The following COL13A1 variants were observed in gnomAD, a reference collection of about 807,000 sequenced individuals.
COL13A1 encodes collagen type XIII alpha 1 chain.
A neutral mutation model predicts 130.9 loss-of-function variants in COL13A1; 89 were observed. The observed-to-expected ratio is 0.68, with a 90% confidence interval of 0.57 to 0.81. COL13A1 has a LOEUF of 0.81. Among genes scored for constraint, COL13A1 ranks in the 30% least tolerant of loss-of-function variants. The pLI, the probability that COL13A1 is intolerant of heterozygous loss-of-function variation, is 0.00. For missense variants in COL13A1, 879 were observed against 934.6 expected, an observed-to-expected ratio of 0.94 and a Z score of 0.78; for synonymous variants, 402 against 341.6, an observed-to-expected ratio of 1.18 and a Z score of -1.95.
chr10:69,947,241 G>A, intron 37 of COL13A1, 66 bp from the exon 38 acceptor site: 1 of 1,452,126 alleles, frequency 6.9e-7, no homozygotes, highest in Non-Finnish European at 9.7e-7. Context: ...GAGCCTGGAA[G>A]AAAGCACTGT....
intron 2 of COL13A1, among the ~76,000 whole-genome samples, chr10:69,849,976 C>T (rs935519045): frequency 6.6e-6 from 1 of 152,102 alleles, no homozygotes; most frequent in African/African-American, 2.4e-5. Context: ...CCACTGTTCC[C>T]ATTAGGAGCT....
chr10:69,909,305 C>T (rs1023668624), intron 17 of COL13A1, among the ~76,000 whole-genome samples: 6 of 152,222 alleles, frequency 3.9e-5, no homozygotes, highest in African/African-American at 1.4e-4. Flanking sequence ...CCTTCTGTCT[C>T]TGCCAGACCA....
chr10:69,822,343 C>T (rs775049105), intron 1 of COL13A1, 26 bp from the exon 2 acceptor site: 21 of 1,553,578 alleles, frequency 1.4e-5, no homozygotes, highest in African/African-American at 1.4e-5. Context: ...CTCCTGGTGA[C>T]TCCTCTTGTC....
At chr10:69,805,714 G>C (rs1265314200) in intron 1 of COL13A1, among the ~76,000 whole-genome samples, 1 of 152,130 alleles carries the variant, frequency 6.6e-6, no homozygotes, top group Non-Finnish European at 1.5e-5. Context: ...AGCAACTTGA[G>C]GGGACCATCC....
Position 69,872,201 on chromosome 10 carries a change from C to G in COL13A1, c.390C>G (p.Pro130=). 1 of 1,614,046 alleles carries G rather than the reference C, an allele frequency of 6.2e-7. No individual in the cohort carries two copies. The highest frequency in any genetic ancestry group is 8.5e-7 in the Non-Finnish European group (1 of 1,179,898). The change falls in exon 4 of 41, where the codon CCC becomes CCG. Residue 130 remains proline (P), a synonymous_variant. Coordinates refer to ENST00000645393, the MANE Select transcript of COL13A1 (RefSeq NM_001368882.1). ...PPGPPGPTGR[P]GLPGDKGAIG... is the part of the protein sequence containing the mutation. ...CATTTCAGGGTCCCACTGGAAGACC[C>G]GGACTCCCAGTAAGTCACTTTTGTT...
intron 27 of COL13A1, 39 bp downstream of exon 27, chr10:69,927,149 C>CGGG: frequency 6.2e-7 from 1 of 1,612,698 alleles, no homozygotes; most frequent in South Asian, 1.1e-5. Flanking sequence ...GGGCACTGGA[C>CGGG]GGGGGGGCTG....
chr10:69,943,008 G>A (rs61297864), intron 35 of COL13A1, among the ~76,000 whole-genome samples: 299 of 152,246 alleles, frequency 2.0e-3, no homozygotes, highest in African/African-American at 5.9e-3. Context: ...CCACCATGCC[G>A]GACTAAATGT....
chr10:69,820,066 A>C (rs886356346), intron 1 of COL13A1, among the ~76,000 whole-genome samples: 4 of 151,318 alleles, frequency 2.6e-5, no homozygotes, highest in African/African-American at 9.7e-5. Flanking sequence ...GTTTTTGCTC[A>C]AAGTCCCCTC....
In COL13A1 at chr10:69,902,893, C is replaced by T. The variant is rs577988769; in HGVS notation, c.858+38C>T. The T allele has an allele frequency of 1.6e-4, 225 of 1,443,216 alleles. 4 individuals carry two copies. The South Asian group carries it at 2.8e-3, about 18-fold the overall frequency. The allele number at this position is 1,443,216 out of a possible 1,614,324, so 89.4% of individuals were successfully genotyped here. A position where few individuals can be genotyped will look rare whatever the true frequency, so the allele number is the denominator to read the frequency against. ...TTCCTCTCTCCTTCAAGACTTATCC[C>T]AAGAACTCTCTGGAAACCTCCAAAC... is the stretch of plus-strand genomic sequence containing the variant. On this transcript the variant is annotated intron_variant, in intron 15 of 40. Coordinates refer to ENST00000645393, the MANE Select transcript of COL13A1 (RefSeq NM_001368882.1).
At chr10:69,844,698 G>A (rs916620038) in intron 2 of COL13A1, among the ~76,000 whole-genome samples, 1 of 152,236 alleles carries the variant, frequency 6.6e-6, no homozygotes. Flanking sequence ...GTTGGCTGAA[G>A]TGTTTGAGTA....
chr10:69,895,183 G>A (rs2061519394), intron 12 of COL13A1, among the ~76,000 whole-genome samples: 2 of 152,224 alleles, frequency 1.3e-5, no homozygotes, highest in South Asian at 4.1e-4. Context: ...CCATGGTGCC[G>A]GCTGCTCCCA....
Position 69,802,342 on chromosome 10 carries a change from A to C in COL13A1, c.-82A>C. 1 of 1,342,988 alleles carries C rather than the reference A, an allele frequency of 7.4e-7. No homozygotes were observed. The highest frequency in any genetic ancestry group is 9.6e-7 in the Non-Finnish European group (1 of 1,040,970). The allele number at this position is 1,342,988 out of a possible 1,614,324, so 83.2% of individuals were successfully genotyped here. On this transcript the variant is annotated 5_prime_UTR_variant, in exon 1 of 41. Transcript: ENST00000645393. The stretch of plus-strand genomic sequence containing the variant: ...TACAAGCCCTTTCCCCCTGCCCCGC[A>C]GTTTGGATAGAGCCTTTTGGCAGCG...
chr10:69,843,159 C>T (rs544261081), intron 2 of COL13A1, among the ~76,000 whole-genome samples: 45 of 152,232 alleles, frequency 3.0e-4, no homozygotes, highest in Non-Finnish European at 2.2e-4. Context: ...CTCACCATGT[C>T]GTGTTGCTCA....
At chr10:69,820,754 C>T (rs1289487445) in intron 1 of COL13A1, among the ~76,000 whole-genome samples, 1 of 152,168 alleles carries the variant, frequency 6.6e-6, no homozygotes, top group Non-Finnish European at 1.5e-5. Context: ...CTCAGAGCCC[C>T]CCATCCCATC....
chr10:69,808,556 G>A (rs1402532516), intron 1 of COL13A1, among the ~76,000 whole-genome samples: 3 of 152,194 alleles, frequency 2.0e-5, no homozygotes, highest in South Asian at 2.1e-4. Flanking sequence ...CCAGTGGCAC[G>A]GAGAACAGCA....
chr10:69,892,456 T>C lies in COL13A1; in HGVS notation c.604-2096T>C, dbSNP rs113845905. ...GGACACAGTTGTATAATAGTGTAGT[T>C]GGGGGGTGGACAAGATTGGGGGTCT... On this transcript the variant is annotated intron_variant, in intron 10 of 40. Transcript: ENST00000645393. 3.1e-3 allele frequency among the ~76,000 whole-genome samples: 471 copies of C among 152,262 alleles called. 4 individuals are homozygous for C. The highest frequency in any genetic ancestry group is 0.011 in the African/African-American group (442 of 41,544).
intron 1 of COL13A1, among the ~76,000 whole-genome samples, chr10:69,806,319 G>C (rs969476371): frequency 1.3e-5 from 2 of 152,234 alleles, no homozygotes; most frequent in Admixed American, 1.3e-4. Context: ...GCAGGTGAGG[G>C]GGCAGAGACT....
At chr10:69,907,319 G>A (rs1458164529) in intron 17 of COL13A1, among the ~76,000 whole-genome samples, 5 of 152,116 alleles carry the variant, frequency 3.3e-5, no homozygotes, top group African/African-American at 1.2e-4. Context: ...TCCATTTCAT[G>A]TTGCTATAAC....
intron 1 of COL13A1, among the ~76,000 whole-genome samples, chr10:69,806,332 G>A (rs377575956): frequency 1.2e-4 from 19 of 152,330 alleles, no homozygotes; most frequent in East Asian, 5.8e-4. Flanking sequence ...CAGAGACTGC[G>A]TGTATGAGGC....
Sources: gnomAD v4.1 joint callset for allele counts (sites outside exome capture counted in the v4.1 genomes callset) on GRCh38, gnomAD v4.1.1 for gene constraint, MANE v1.5 for transcripts, NCBI Gene and HGNC (gene_info 2026-07-23, HGNC 2026-07-21) for gene names.